The following ASB18 variants were observed in gnomAD, a reference collection of about 807,000 sequenced individuals.
The protein encoded by ASB18 is ankyrin repeat and SOCS box containing 18, also known as ankyrin repeat and SOCS box protein 18.
Under a neutral mutation model 33.4 loss-of-function variants are expected in ASB18, and 33 were observed. The observed-to-expected ratio is 0.99, with a 90% confidence interval of 0.75 to 1.32. ASB18 has a LOEUF of 1.32. Ranked by LOEUF, ASB18 falls within the 40% of genes most tolerant of loss-of-function variation. The pLI, the probability that ASB18 is intolerant of heterozygous loss-of-function variation, is 0.00. For synonymous variants in ASB18, 295 were observed against 307.6 expected (o/e 0.96, Z 0.43); for missense variants, 694 against 655.5 (o/e 1.06, Z -0.64).
chr2:236,207,150 C>T (rs554507142), intron 4 of ASB18, among the ~76,000 whole-genome samples: 2 of 152,364 alleles, frequency 1.3e-5, no homozygotes, highest in East Asian at 1.9e-4. Flanking sequence ...CCCTTTCCCC[C>T]TGTCACCCAG....
At position 236,253,196 on chromosome 2, in the gene ASB18, G is replaced by T. The variant is rs1174723497; in HGVS notation, c.205+10945C>A. 1.3e-5 allele frequency among the ~76,000 whole-genome samples: 2 copies of T among 152,184 alleles called. No homozygotes were observed. Among genetic ancestry groups the T allele is most frequent in the Admixed American group, 1.3e-4 (2 of 15,282 alleles). On this transcript the variant is annotated intron_variant, in intron 1 of 5. Coordinates refer to ENST00000409749, the MANE Select transcript of ASB18 (RefSeq NM_212556.4). This position sits in a 1 kb window ranked among gnomAD's most constrained non-coding sequence, Gnocchi z 5.4. ...GTGGGTGTGTTCCTGGCACACAAGA[G>T]GACAGGAAGCAGCAGAAGAGGCAGA... is the stretch of plus-strand genomic sequence containing the variant.
chr2:236,222,920 T>C lies in ASB18; in HGVS notation c.597-8054A>G, dbSNP rs1468044710. Among the ~76,000 whole-genome samples, 1 of 152,174 alleles carries C rather than the reference T, an allele frequency of 6.6e-6. No individual in the cohort carries two copies. Among genetic ancestry groups the C allele is most frequent in the Non-Finnish European group, 1.5e-5 (1 of 68,020 alleles). On this transcript the variant is annotated intron_variant, in intron 3 of 5. Transcript: ENST00000409749. The surrounding 1 kb of genome is among the most constrained non-coding windows in gnomAD (Gnocchi z 5.5). ...CTGTAGTCCCAGCTACTTGGGAAGCTGAAGCAGGAGACTCACTTGAGCCCT... is the reference window on the plus strand; with the variant it reads ...CTGTAGTCCCAGCTACTTGGGAAGCCGAAGCAGGAGACTCACTTGAGCCCT...
At position 236,231,529 on chromosome 2, in the gene ASB18, C is replaced by T. The variant is rs1467755085; in HGVS notation, c.596+6160G>A. On this transcript the variant is annotated intron_variant, in intron 3 of 5. Transcript: ENST00000409749. This position sits in a 1 kb window ranked among gnomAD's most constrained non-coding sequence, Gnocchi z 5.5. Reference sequence around the variant, plus strand: ...TGCCATCTTGGAAGCAGAGAACATGCCCTCACCAGACAATGAATCTGCTGG... The same window carrying T: ...TGCCATCTTGGAAGCAGAGAACATGTCCTCACCAGACAATGAATCTGCTGG... 1.3e-5 allele frequency among the ~76,000 whole-genome samples: 2 copies of T among 152,178 alleles called. No individual in the cohort carries two copies. The highest frequency in any genetic ancestry group is 2.4e-5 in the African/African-American group (1 of 41,446).
In ASB18 at chr2:236,211,557, G is replaced by C. The variant is rs2060458629; in HGVS notation, c.1101+2805C>G. ...TATTCACAGTACGGCTGCTGCCCAC[G>C]GACGGCTTGCCCTGTGACAGTGCTG... On this transcript the variant is annotated intron_variant, in intron 4 of 5. Coordinates refer to ENST00000409749, the MANE Select transcript of ASB18 (RefSeq NM_212556.4). The surrounding 1 kb of genome is among the most constrained non-coding windows in gnomAD (Gnocchi z 5.0). 1.3e-5 allele frequency among the ~76,000 whole-genome samples: 2 copies of C among 152,314 alleles called. No individual in the cohort carries two copies. The highest frequency in any genetic ancestry group is 4.8e-5 in the African/African-American group (2 of 41,566).
rs373931636 is a variant in ASB18 at position 236,223,873 on chromosome 2, T to C, written c.597-9007A>G. 6.6e-3 allele frequency among the ~76,000 whole-genome samples: 1,005 copies of C among 152,324 alleles called. 3 individuals carry two copies. The highest frequency in any genetic ancestry group is 0.012 in the Non-Finnish European group (798 of 68,028). Reference sequence around the variant, plus strand: ...GTAATTCATTCTTTTTTTAAATTGCTGAGTCATATTCAATTGTATGGATAT... The same window carrying C: ...GTAATTCATTCTTTTTTTAAATTGCCGAGTCATATTCAATTGTATGGATAT... On this transcript the variant is annotated intron_variant, in intron 3 of 5. Coordinates refer to ENST00000409749, the MANE Select transcript of ASB18 (RefSeq NM_212556.4). The surrounding 1 kb of genome is among the most constrained non-coding windows in gnomAD (Gnocchi z 4.6).
At position 236,264,025 on chromosome 2, in the gene ASB18, C is replaced by A; in HGVS notation, c.205+116G>T. The A allele has an allele frequency of 1.2e-6, 1 of 803,248 alleles. No individual in the cohort carries two copies. Among genetic ancestry groups the A allele is most frequent in the Non-Finnish European group, 2.0e-6 (1 of 490,928 alleles). 49.8% of individuals were successfully genotyped at this position (803,248 alleles called of 1,614,324 possible). The stretch of plus-strand genomic sequence containing the variant: ...CATGTATGTATGAGAGTCAGATATC[C>A]GAGTACATATCATTTACTTTTTCCA... On this transcript the variant is annotated intron_variant, in intron 1 of 5. Coordinates refer to ENST00000409749, the MANE Select transcript of ASB18 (RefSeq NM_212556.4). The surrounding 1 kb of genome is among the most constrained non-coding windows in gnomAD (Gnocchi z 5.1).
chr2:236,220,206 A>G lies in ASB18; in HGVS notation c.597-5340T>C, dbSNP rs1348317446. Among the ~76,000 whole-genome samples the G allele has an allele frequency of 1.3e-5, 2 of 152,068 alleles. No individual in the cohort carries two copies. The highest frequency in any genetic ancestry group is 2.9e-5 in the Non-Finnish European group (2 of 67,992). On this transcript the variant is annotated intron_variant, in intron 3 of 5. Coordinates refer to ENST00000409749, the MANE Select transcript of ASB18 (RefSeq NM_212556.4). The surrounding 1 kb of genome is among the most constrained non-coding windows in gnomAD (Gnocchi z 5.1). ...GTGGGACTTTGGCCACTCCCTGCAC[A>G]CCCTCCCATCCACCCTCCAGCACCT...
Position 236,264,135 on chromosome 2 carries a change from G to T in ASB18, c.205+6C>A. 1 of 1,613,224 alleles carries T rather than the reference G, an allele frequency of 6.2e-7. No individual in the cohort carries two copies. Among genetic ancestry groups the T allele is most frequent in the Non-Finnish European group, 8.5e-7 (1 of 1,179,548 alleles). On this transcript the variant is annotated splice_donor_region_variant and intron_variant, in intron 1 of 5. Transcript: ENST00000409749. The surrounding 1 kb of genome is among the most constrained non-coding windows in gnomAD (Gnocchi z 5.1). Reference sequence around the variant, plus strand: ...ATCCCAGATGCAGCAGGCTCGTTCTGGTTACCTAGCAGCATGCCGGTGGGC... The same window carrying T: ...ATCCCAGATGCAGCAGGCTCGTTCTTGTTACCTAGCAGCATGCCGGTGGGC...
intron 1 of ASB18, among the ~76,000 whole-genome samples, chr2:236,246,501 A>G (rs766326029): frequency 2.0e-5 from 3 of 152,062 alleles, no homozygotes; most frequent in Non-Finnish European, 2.9e-5. Flanking sequence ...CAATTGGAAC[A>G]GCAGAGATTT....
rs749695696 is a variant in ASB18, at chr2:236,241,257, T to C, written c.328+23A>G. On this transcript the variant is annotated intron_variant, in intron 2 of 5. Transcript: ENST00000409749. This position sits in a 1 kb window ranked among gnomAD's most constrained non-coding sequence, Gnocchi z 4.2. ...TAGTAGCCCCTTAAAAATAAATGACTGAGCTTTAAAGAACAAGGGTACCTG... is the reference window on the plus strand; with the variant it reads ...TAGTAGCCCCTTAAAAATAAATGACCGAGCTTTAAAGAACAAGGGTACCTG... 1.2e-6 allele frequency: 2 copies of C among 1,605,520 alleles called. No homozygotes were observed. Among genetic ancestry groups the C allele is most frequent in the Non-Finnish European group, 1.7e-6 (2 of 1,172,488 alleles).
chr2:236,234,012 A>G lies in ASB18; in HGVS notation c.596+3677T>C, dbSNP rs921276499. ...CTTCAAAATTTATTATAAAGTTACA[A>G]TATTCAAGACAGTATGGTATTGGTG... On this transcript the variant is annotated intron_variant, in intron 3 of 5. Transcript: ENST00000409749. This position sits in a 1 kb window ranked among gnomAD's most constrained non-coding sequence, Gnocchi z 4.1. Among the ~76,000 whole-genome samples, 1 of 152,236 alleles carries G rather than the reference A, an allele frequency of 6.6e-6. No individual in the cohort carries two copies. The highest frequency in any genetic ancestry group is 1.5e-5 in the Non-Finnish European group (1 of 68,038).
rs547032432 is a variant in ASB18 at position 236,241,946 on chromosome 2, A to G, written c.206-544T>C. ...CTCACTTACAAAAATGACTTTGGTG[A>G]CCAGAATACTTAGCAAATAAGTAAT... is the stretch of plus-strand genomic sequence containing the variant. On this transcript the variant is annotated intron_variant, in intron 1 of 5. Transcript: ENST00000409749. This position sits in a 1 kb window ranked among gnomAD's most constrained non-coding sequence, Gnocchi z 4.2. Among the ~76,000 whole-genome samples, 6 of 152,314 alleles carry G rather than the reference A, an allele frequency of 3.9e-5. No homozygotes were observed. The South Asian group carries it at 1.2e-3, about 32-fold the overall frequency.
At position 236,195,368 on chromosome 2, in the gene ASB18, G is replaced by A. The variant is rs2060366931; in HGVS notation, c.1216-311C>T. On this transcript the variant is annotated intron_variant, in intron 5 of 5. Coordinates refer to ENST00000409749, the MANE Select transcript of ASB18 (RefSeq NM_212556.4). The surrounding 1 kb of genome is among the most constrained non-coding windows in gnomAD (Gnocchi z 5.5). The stretch of plus-strand genomic sequence containing the variant: ...CACAGCAGCCCTACAGCTCCGGGGT[G>A]GCCCTGTTCATCTCCCCAAGTCATG... Among the ~76,000 whole-genome samples the A allele has an allele frequency of 2.6e-5, 4 of 152,210 alleles. No individual in the cohort carries two copies. In the South Asian group the frequency reaches 8.3e-4, roughly 32 times the overall value.
In ASB18 at chr2:236,216,117, C is replaced by A. The variant is rs563549570; in HGVS notation, c.597-1251G>T. Among the ~76,000 whole-genome samples the A allele has an allele frequency of 6.6e-6, 1 of 152,306 alleles. No homozygotes were observed. The highest frequency in any genetic ancestry group is 2.1e-4 in the South Asian group (1 of 4,814). ...CTTCAAGCCGGAGTCCATTCTTCAC[C>A]CCCCTCCTTTTCTCTGCGGGTCTGC... is the stretch of plus-strand genomic sequence containing the variant. On this transcript the variant is annotated intron_variant, in intron 3 of 5. Coordinates refer to ENST00000409749, the MANE Select transcript of ASB18 (RefSeq NM_212556.4). The surrounding 1 kb of genome is among the most constrained non-coding windows in gnomAD (Gnocchi z 6.1).
At chr2:236,242,441 C>T (rs1360686996) in intron 1 of ASB18, among the ~76,000 whole-genome samples, 1 of 152,174 alleles carries the variant, frequency 6.6e-6, no homozygotes. Context: ...CCACTCCCAG[C>T]TCTTGTATGG....
In ASB18 at chr2:236,236,113, C is replaced by T. The variant is rs533681511; in HGVS notation, c.596+1576G>A. ...CATGATAACTTTGTTTGTAAAAGAC[C>T]CAGACTGGAAACAATCAAATGTCTC... On this transcript the variant is annotated intron_variant, in intron 3 of 5. Transcript: ENST00000409749. Among the ~76,000 whole-genome samples the T allele has an allele frequency of 2.0e-4, 31 of 152,208 alleles. 1 individual carries two copies. The highest frequency in any genetic ancestry group is 1.8e-3 in the Admixed American group (28 of 15,288).
Position 236,195,003 on chromosome 2 carries a change from G to A in ASB18, c.1270C>T (p.Leu424=), listed in dbSNP as rs2060364517. 2 of 1,613,888 alleles carry A rather than the reference G, an allele frequency of 1.2e-6. No homozygotes were observed. Among genetic ancestry groups the A allele is most frequent in the Non-Finnish European group, 1.7e-6 (2 of 1,179,870 alleles). The change falls in exon 6 of 6, where the codon CTG becomes TTG. Residue 424 remains leucine, a synonymous_variant. Transcript: ENST00000409749. This position sits in a 1 kb window ranked among gnomAD's most constrained non-coding sequence, Gnocchi z 5.5. ...AGAGCACAGCGGCAAAGATGCTGCA[G>A]GCAGCGTGGGGTGAGGGCCAAGGCA... is the stretch of plus-strand genomic sequence containing the variant. ...LFALALTPRC[L]QHLCRCALRR...
rs1368487883 is a variant in ASB18, at chr2:236,257,365, G to C, written c.205+6776C>G. Among the ~76,000 whole-genome samples the C allele has an allele frequency of 1.3e-5, 2 of 152,200 alleles. No individual in the cohort carries two copies. The highest frequency in any genetic ancestry group is 2.4e-5 in the African/African-American group (1 of 41,442). The stretch of plus-strand genomic sequence containing the variant: ...GGTGGAGTGAGCAGTCAAGACAGCA[G>C]AGCGCTTCTCCTCCTGCCTGCCCTG... On this transcript the variant is annotated intron_variant, in intron 1 of 5. Coordinates refer to ENST00000409749, the MANE Select transcript of ASB18 (RefSeq NM_212556.4). This position sits in a 1 kb window ranked among gnomAD's most constrained non-coding sequence, Gnocchi z 5.5.
At chr2:236,202,814 T>TATATACACACAC (rs1472095135) in intron 4 of ASB18, among the ~76,000 whole-genome samples, 212 of 126,370 alleles carry the variant, frequency 1.7e-3, no homozygotes, top group Non-Finnish European at 3.1e-3. Context: ...TATATATATA[T>TATATACACACAC]ACACACACCT....
Sources: allele counts gnomAD v4.1 joint callset (sites outside exome capture counted in the v4.1 genomes callset), GRCh38; gene constraint gnomAD v4.1.1; non-coding constraint Gnocchi (gnomAD v3.1); transcripts MANE v1.5; gene names NCBI Gene and HGNC (gene_info 2026-07-23, HGNC 2026-07-21).